Variants in ST3GAL1 observed in about 807,000 individuals in gnomAD.
The protein encoded by ST3GAL1 is ST3 beta-galactoside alpha-2,3-sialyltransferase 1.
Under a neutral mutation model 34.1 loss-of-function variants are expected in ST3GAL1, and 16 were observed. That is an observed-to-expected ratio of 0.47 (90% CI 0.32 to 0.71). ST3GAL1 has a LOEUF of 0.71. Ranked by LOEUF, ST3GAL1 falls within the 30% of genes least tolerant of loss-of-function variation. The pLI is 0.04. For synonymous variants in ST3GAL1, 191 were observed against 184.7 expected, an observed-to-expected ratio of 1.03 and a Z score of -0.28; for missense variants, 353 against 447.4, an observed-to-expected ratio of 0.79 and a Z score of 1.90.
chr8:133,540,402 G>A (rs548251464), intron 2 of ST3GAL1, among the ~76,000 whole-genome samples: 69 of 152,222 alleles, frequency 4.5e-4, no homozygotes, highest in African/African-American at 1.7e-3. Context: ...TTTGTTGTTG[G>A]AGGAAATGCT....
rs1381632446 is a variant in ST3GAL1, at chr8:133,540,726, GACATATATATATATAT to G, written c.-429+5032_-429+5047del. Among the ~76,000 whole-genome samples the G allele has an allele frequency of 5.4e-4, 47 of 86,792 alleles. 1 individual carries two copies. Among genetic ancestry groups the G allele is most frequent in the African/African-American group, 3.2e-3 (44 of 13,780 alleles). The allele number at this position is 86,792 out of a possible 152,430, so 56.9% of individuals were successfully genotyped here. A position where few individuals can be genotyped will look rare whatever the true frequency, so the allele number is the denominator to read the frequency against. On this transcript the variant is annotated intron_variant, in intron 2 of 9. Transcript: ENST00000522652. ...ATATATACAGACATATATATATATA[GACATATATATATATAT>G]AGACATATATATATATATAGACATA...
intron 2 of ST3GAL1, among the ~76,000 whole-genome samples, chr8:133,522,670 T>C (rs1817848219): frequency 6.6e-6 from 1 of 152,210 alleles, no homozygotes; most frequent in South Asian, 2.1e-4. Context: ...GTCTTGCTAG[T>C]TAACCCCTGA....
chr8:133,475,367 G>A (rs145258180), intron 5 of ST3GAL1, among the ~76,000 whole-genome samples: 1 of 152,354 alleles, frequency 6.6e-6, no homozygotes, highest in East Asian at 1.9e-4. Flanking sequence ...GCAAGAGGAT[G>A]CACTTTTGGT....
chr8:133,512,577 C>G (rs951712421), intron 2 of ST3GAL1, among the ~76,000 whole-genome samples: 1 of 152,112 alleles, frequency 6.6e-6, no homozygotes, highest in African/African-American at 2.4e-5. Context: ...ATCACACATA[C>G]CATCATCTCG....
intron 1 of ST3GAL1, among the ~76,000 whole-genome samples, chr8:133,553,905 C>A (rs1160601412): frequency 6.6e-6 from 1 of 152,096 alleles, no homozygotes; most frequent in Admixed American, 6.5e-5. Context: ...CAGTGAGGGT[C>A]CAGAAGGATC....
At chr8:133,541,941 A>G (rs1481721935) in intron 2 of ST3GAL1, among the ~76,000 whole-genome samples, 1 of 152,200 alleles carries the variant, frequency 6.6e-6, no homozygotes, top group Non-Finnish European at 1.5e-5. Context: ...TCAGATAGAC[A>G]TGAATTTCCA....
At chr8:133,518,062 G>A (rs868717866) in intron 2 of ST3GAL1, among the ~76,000 whole-genome samples, 1 of 152,140 alleles carries the variant, frequency 6.6e-6, no homozygotes, top group Non-Finnish European at 1.5e-5. Context: ...TGTTACCCAC[G>A]TGGCCCCTGG....
intron 5 of ST3GAL1, among the ~76,000 whole-genome samples, chr8:133,468,921 C>T (rs1383581370): frequency 1.3e-5 from 2 of 152,190 alleles, no homozygotes; most frequent in Admixed American, 6.5e-5. Flanking sequence ...CTCCAACTAG[C>T]AAGGGCTGCT....
At chr8:133,520,444 A>G (rs1269980195) in intron 2 of ST3GAL1, among the ~76,000 whole-genome samples, 2 of 152,168 alleles carry the variant, frequency 1.3e-5, no homozygotes, top group African/African-American at 4.8e-5. Context: ...AATTTAGATC[A>G]TCAGGACTCC....
intron 5 of ST3GAL1, among the ~76,000 whole-genome samples, chr8:133,470,592 T>A (rs1815914850): frequency 6.6e-6 from 1 of 152,134 alleles, no homozygotes; most frequent in Non-Finnish European, 1.5e-5. Flanking sequence ...TGGCCTGAGC[T>A]CCTTGGGAAG....
intron 1 of ST3GAL1, among the ~76,000 whole-genome samples, chr8:133,564,879 C>G (rs891578911): frequency 6.6e-6 from 1 of 152,226 alleles, no homozygotes; most frequent in African/African-American, 2.4e-5. Context: ...GAAACCCAGG[C>G]AAACCTTAAC....
At chr8:133,545,296 C>G (rs1486555112) in intron 2 of ST3GAL1, among the ~76,000 whole-genome samples, 2 of 152,228 alleles carry the variant, frequency 1.3e-5, no homozygotes, top group Non-Finnish European at 2.9e-5. Flanking sequence ...AGTGTGAAAA[C>G]AGCCATACAT....
chr8:133,488,342 G>T (rs1443648327), intron 3 of ST3GAL1: 1 of 152,280 alleles, frequency 6.6e-6, no homozygotes, highest in African/African-American at 2.4e-5. Context: ...TGCAGATGTG[G>T]TTAAGCTCTC....
At chr8:133,562,858 T>C (rs1211743009) in intron 1 of ST3GAL1, among the ~76,000 whole-genome samples, 10 of 142,484 alleles carry the variant, frequency 7.0e-5, no homozygotes, top group African/African-American at 2.9e-4. Flanking sequence ...TTCTTTTTTT[T>C]TTTTTTTTTC....
intron 2 of ST3GAL1, among the ~76,000 whole-genome samples, chr8:133,541,565 T>C (rs1251015416): frequency 6.6e-6 from 1 of 152,156 alleles, no homozygotes; most frequent in African/African-American, 2.4e-5. Context: ...GCAGACCATA[T>C]ACACGGTCCA....
chr8:133,466,111 G>A lies in ST3GAL1; in HGVS notation c.307-21C>T. ...AGCCTCTGTGGGCGGAGGACAGAAG[G>A]TGGTCAACCTGGCTTTGTGGCTCCA... is the stretch of plus-strand genomic sequence containing the variant. On this transcript the variant is annotated intron_variant, in intron 5 of 9. Coordinates refer to ENST00000522652, the MANE Select transcript of ST3GAL1 (RefSeq NM_173344.3). The surrounding 1 kb of genome is among the most constrained non-coding windows in gnomAD (Gnocchi z 4.4). The A allele has an allele frequency of 6.3e-7, 1 of 1,596,102 alleles. No homozygotes were observed. Among genetic ancestry groups the A allele is most frequent in the Non-Finnish European group, 8.6e-7 (1 of 1,168,254 alleles).
chr8:133,522,720 A>G (rs1817849527), intron 2 of ST3GAL1, among the ~76,000 whole-genome samples: 1 of 152,112 alleles, frequency 6.6e-6, no homozygotes, highest in Non-Finnish European at 1.5e-5. Flanking sequence ...CAAACATAAC[A>G]CTGGCCTAAG....
At chr8:133,487,586 T>C (rs1281281968) in intron 3 of ST3GAL1, among the ~76,000 whole-genome samples, 1 of 152,258 alleles carries the variant, frequency 6.6e-6, no homozygotes, top group Non-Finnish European at 1.5e-5. Flanking sequence ...GGATTCTCGC[T>C]CTTGCTTTCA....
At chr8:133,513,908 A>G (rs915477385) in intron 2 of ST3GAL1, among the ~76,000 whole-genome samples, 2 of 152,016 alleles carry the variant, frequency 1.3e-5, no homozygotes, top group South Asian at 2.1e-4. Context: ...GGAAAAAAAA[A>G]AAAAGAAAAG....
Sources: allele counts gnomAD v4.1 joint callset (sites outside exome capture counted in the v4.1 genomes callset), GRCh38; gene constraint gnomAD v4.1.1; non-coding constraint Gnocchi (gnomAD v3.1); transcripts MANE v1.5; gene names NCBI Gene and HGNC (gene_info 2026-07-23, HGNC 2026-07-21).